The following MEI4 variants were observed in gnomAD, a reference collection of about 807,000 sequenced individuals.
MEI4 encodes meiotic double-stranded break formation protein 4.
MEI4 carries 27 observed loss-of-function variants against 31.4 expected under a neutral mutation model. That is an observed-to-expected ratio of 0.86 (90% CI 0.63 to 1.19). The LOEUF is 1.19. Among genes scored for constraint, MEI4 ranks in the 50% most tolerant of loss-of-function variants. The pLI, the probability that MEI4 is intolerant of heterozygous loss-of-function variation, is 0.00. For missense variants in MEI4, 329 were observed against 398.9 expected (o/e 0.82, Z 1.49); for synonymous variants, 122 against 145.4 (o/e 0.84, Z 1.16).
chr6:77,736,232 A>C (rs1055745176), intron 2 of MEI4, among the ~76,000 whole-genome samples: 1 of 151,202 alleles, frequency 6.6e-6, no homozygotes. Context: ...CCCTCCCCCA[A>C]CCTTGCTGCC....
intron 4 of MEI4, among the ~76,000 whole-genome samples, chr6:77,894,113 A>G (rs2127733055): frequency 6.6e-6 from 1 of 152,324 alleles, no homozygotes; most frequent in Admixed American, 6.5e-5. Flanking sequence ...AATTGTAGTT[A>G]GAAGCAGACT....
chr6:77,745,674 T>G (rs1210781678), intron 2 of MEI4, among the ~76,000 whole-genome samples: 1 of 152,172 alleles, frequency 6.6e-6, no homozygotes, highest in African/African-American at 2.4e-5. Flanking sequence ...TACATTTTTT[T>G]CAGCACCACA....
At chr6:77,818,025 T>C (rs559892152) in intron 3 of MEI4, among the ~76,000 whole-genome samples, 1 of 152,220 alleles carries the variant, frequency 6.6e-6, no homozygotes, top group Non-Finnish European at 1.5e-5. Flanking sequence ...ACCTACCAAT[T>C]AGAATCTATA....
rs112520596 is a variant in MEI4, at chr6:77,869,928, A to T, written c.900+40866A>T. Reference sequence around the variant, plus strand: ...ACTTACCTGTTTAATTGGGAAGTATAGAGATGTACTGAGTGCCTATCAGCT... The same window carrying T: ...ACTTACCTGTTTAATTGGGAAGTATTGAGATGTACTGAGTGCCTATCAGCT... On this transcript the variant is annotated intron_variant, in intron 4 of 4. Coordinates refer to ENST00000684080, the MANE Select transcript of MEI4 (RefSeq NM_001322247.2). 5.2e-3 allele frequency among the ~76,000 whole-genome samples: 787 copies of T among 152,254 alleles called. 7 individuals are homozygous for T. Among genetic ancestry groups the T allele is most frequent in the African/African-American group, 0.018 (768 of 41,562 alleles).
At chr6:77,745,295 A>C (rs917913058) in intron 2 of MEI4, among the ~76,000 whole-genome samples, 16 of 152,148 alleles carry the variant, frequency 1.1e-4, no homozygotes, top group African/African-American at 3.9e-4. Context: ...CAAATGGAAA[A>C]CAAAAAAAGG....
rs1415344354 is a variant in MEI4, at chr6:77,714,461, AAAC to A, written c.232+23563_232+23565del. Among the ~76,000 whole-genome samples, 5 of 152,354 alleles carry A rather than the reference AAAC, an allele frequency of 3.3e-5. No individual in the cohort carries two copies. The South Asian group carries it at 6.2e-4, about 19-fold the overall frequency. On this transcript the variant is annotated intron_variant, in intron 2 of 4. Transcript: ENST00000684080. ...AACAGTTTATGGTTGTCACTGTGAA[AAAC>A]AACATTTCCACAAATTTAGTTTCAA...
In MEI4 at chr6:77,847,595, C is replaced by T. The variant is rs377300222; in HGVS notation, c.900+18533C>T. Among the ~76,000 whole-genome samples the T allele has an allele frequency of 2.9e-4, 44 of 152,210 alleles. 1 individual carries two copies. In the South Asian group the frequency reaches 3.5e-3, roughly 12 times the overall value. ...GTTCAGAATAATTTTCTGATGCAAT[C>T]GAAACCTAATGCCTTCTATGAAGAC... is the stretch of plus-strand genomic sequence containing the variant. On this transcript the variant is annotated intron_variant, in intron 4 of 4. Transcript: ENST00000684080. This position sits in a 1 kb window ranked among gnomAD's most constrained non-coding sequence, Gnocchi z 4.6.
chr6:77,659,119 G>T (rs1193013103), intron 1 of MEI4, among the ~76,000 whole-genome samples: 1 of 152,154 alleles, frequency 6.6e-6, no homozygotes, highest in Non-Finnish European at 1.5e-5. Flanking sequence ...ACGGAAGGTC[G>T]TGACAGAGGT....
chr6:77,817,264 G>A (rs1462271473), intron 3 of MEI4, among the ~76,000 whole-genome samples: 2 of 152,102 alleles, frequency 1.3e-5, no homozygotes, highest in Non-Finnish European at 2.9e-5. Context: ...TTCACAGTAC[G>A]TGCATACTTG....
chr6:77,726,414 CAT>C (rs2127665228), intron 2 of MEI4, among the ~76,000 whole-genome samples: 1 of 152,214 alleles, frequency 6.6e-6, no homozygotes, highest in South Asian at 2.1e-4. Flanking sequence ...CAGTGAGTGT[CAT>C]AGAATATTAA....
intron 4 of MEI4, among the ~76,000 whole-genome samples, chr6:77,852,689 TGTG>T (rs1244179545): frequency 6.6e-6 from 1 of 151,584 alleles, no homozygotes; most frequent in East Asian, 2.0e-4. Flanking sequence ...TGCATCCTCA[TGTG>T]GTGGAAGGGA....
At chr6:77,909,030 C>A (rs1196050914) in intron 4 of MEI4, among the ~76,000 whole-genome samples, 1 of 152,084 alleles carries the variant, frequency 6.6e-6, no homozygotes. Flanking sequence ...AACTCTCCAC[C>A]CCAAATCAAC....
At chr6:77,732,114 CT>C (rs1561962690) in intron 2 of MEI4, among the ~76,000 whole-genome samples, 1 of 151,156 alleles carries the variant, frequency 6.6e-6, no homozygotes, top group Admixed American at 6.6e-5. Context: ...GATGCGGGCT[CT>C]TTTTTGGTTC....
chr6:77,808,871 T>A (rs1769504487), intron 3 of MEI4, among the ~76,000 whole-genome samples: 2 of 152,132 alleles, frequency 1.3e-5, no homozygotes, highest in Admixed American at 1.3e-4. Flanking sequence ...CTGTCCTAAG[T>A]TGGGCCGGGA....
intron 2 of MEI4, among the ~76,000 whole-genome samples, chr6:77,716,073 C>T (rs11754716): frequency 0.14 from 20,966 of 152,144 alleles, 1,533 homozygotes; most frequent in Middle Eastern, 0.21. Flanking sequence ...TGAGCACTCA[C>T]CTTGTGCCTG....
chr6:77,792,753 C>G (rs1183531534), intron 3 of MEI4, among the ~76,000 whole-genome samples: 2 of 151,594 alleles, frequency 1.3e-5, no homozygotes, highest in African/African-American at 4.8e-5. Context: ...CGCTCTATTG[C>G]ACAGGCTGGA....
chr6:77,786,820 A>C (rs1056707906), intron 3 of MEI4, among the ~76,000 whole-genome samples: 2 of 152,238 alleles, frequency 1.3e-5, no homozygotes, highest in Non-Finnish European at 2.9e-5. Context: ...ATGTATAAGA[A>C]TAAGACTAAA....
intron 2 of MEI4, among the ~76,000 whole-genome samples, chr6:77,709,362 G>T (rs906401411): frequency 6.6e-6 from 1 of 152,120 alleles, no homozygotes; most frequent in African/African-American, 2.4e-5. Flanking sequence ...ATGAGATCTT[G>T]TACCCAGTGT....
At chr6:77,656,688 G>C (rs1768403538) in intron 1 of MEI4, among the ~76,000 whole-genome samples, 1 of 152,072 alleles carries the variant, frequency 6.6e-6, no homozygotes, top group South Asian at 2.1e-4. Flanking sequence ...TAGTTCTCAA[G>C]AGGTTGTTGT....
Sources: allele counts gnomAD v4.1 joint callset (sites outside exome capture counted in the v4.1 genomes callset), GRCh38; gene constraint gnomAD v4.1.1; non-coding constraint Gnocchi (gnomAD v3.1); transcripts MANE v1.5; gene names NCBI Gene and HGNC (gene_info 2026-07-23, HGNC 2026-07-21).